The following RANBP1 variants were observed in gnomAD, a reference collection of about 807,000 sequenced individuals.
RANBP1 encodes the protein RAN binding protein 1, also known as ran-specific GTPase-activating protein.
In RANBP1, 16 loss-of-function variants were observed where a neutral mutation model predicts 31.4. The ratio of observed to expected loss-of-function variants is 0.51; its 90% confidence interval spans 0.34 to 0.77. The LOEUF is 0.77. RANBP1 is among the 30% of genes least tolerant of loss of function. The pLI is 0.01. For synonymous variants in RANBP1, 129 were observed against 140.5 expected (o/e 0.92, Z 0.58); for missense variants, 265 against 362.0 (o/e 0.73, Z 2.17).
rs903906122 is a variant in RANBP1 at position 20,126,488 on chromosome 22, C to T, written c.736+120C>T. ...ACATTCCAGGGTGCTGTGGCCGCCT[C>T]ACGTATCCAGAGTGATGCAGCTCCC... is the stretch of plus-strand genomic sequence containing the variant. On this transcript the variant is annotated intron_variant, in intron 5 of 5. Transcript: ENST00000430524. The T allele has an allele frequency of 2.5e-6, 4 of 1,597,794 alleles. No homozygotes were observed. The African/African-American group carries it at 4.0e-5, about 16-fold the overall frequency.
chr22:20,117,481 C>G (rs933099845), intron 1 of RANBP1: 23 of 1,225,154 alleles, frequency 1.9e-5, no homozygotes, highest in Non-Finnish European at 2.4e-5. Context: ...GGCGCGTTTC[C>G]CGCCGCTGGG....
At chr22:20,124,977 G>C in intron 3 of RANBP1, 1 of 333,658 alleles carries the variant, frequency 3.0e-6, no homozygotes, top group South Asian at 2.6e-5. Flanking sequence ...CTGCTTCTCT[G>C]CATTTCTGGA....
At chr22:20,123,431 TG>T (rs533083024) in intron 3 of RANBP1, among the ~76,000 whole-genome samples, 6 of 22,168 alleles carry the variant, frequency 2.7e-4, no homozygotes, top group Admixed American at 7.2e-4. Context: ...TGTGTGGTGT[TG>T]GGGGGGGTGT....
chr22:20,126,315 T>G lies in RANBP1; in HGVS notation c.683T>G (p.Phe228Cys). The G allele has an allele frequency of 6.2e-7, 1 of 1,613,320 alleles. No individual in the cohort carries two copies. Among genetic ancestry groups the G allele is most frequent in the Non-Finnish European group, 8.5e-7 (1 of 1,179,630 alleles). The change falls in exon 5 of 6, where the codon TTC (phenylalanine) becomes TGC (cysteine). Residue 228 changes from phenylalanine (F) to cysteine (C), a missense_variant. Coordinates refer to ENST00000430524, the MANE Select transcript of RANBP1 (RefSeq NM_001278639.2). Reference sequence around the variant, plus strand: ...CTCCCTTCCACAGATGCACAGAAATTCAAAACAAAGTTTGAAGAATGCAGG... The same window carrying G: ...CTCCCTTCCACAGATGCACAGAAATGCAAAACAAAGTTTGAAGAATGCAGG... ...RFLNAENAQK[F>C]KTKFEECRKE...
intron 5 of RANBP1, chr22:20,126,591 G>T: frequency 2.0e-6 from 3 of 1,538,354 alleles, no homozygotes; most frequent in Non-Finnish European, 2.6e-6. Context: ...GCAGGCATTG[G>T]AGTCCGGGCA....
intron 5 of RANBP1, 44 bp from the exon 6 acceptor site, chr22:20,126,908 T>G (rs1173128359): frequency 5.0e-6 from 8 of 1,595,176 alleles, no homozygotes; most frequent in Non-Finnish European, 6.9e-6. Context: ...TGTGCTTGAA[T>G]GCACCGTGCT....
intron 1 of RANBP1, chr22:20,116,820 C>T (rs975112933): frequency 4.1e-6 from 6 of 1,461,372 alleles, no homozygotes; most frequent in Admixed American, 1.9e-5. Context: ...GGCAGGTTTC[C>T]TGACCCACCC....
intron 2 of RANBP1, 35 bp downstream of exon 2, chr22:20,119,184 T>C (rs1378032480): frequency 6.3e-7 from 1 of 1,599,064 alleles, no homozygotes; most frequent in South Asian, 1.1e-5. Context: ...TAGGACTCTT[T>C]AAGGTTGAGG....
At chr22:20,121,805 C>G (rs554171231) in intron 2 of RANBP1, among the ~76,000 whole-genome samples, 1 of 151,072 alleles carries the variant, frequency 6.6e-6, no homozygotes, top group East Asian at 2.0e-4. Context: ...GTGGGGCAAT[C>G]TCCACTCACT....
rs1425758786 is a variant in RANBP1, at chr22:20,127,104, A to G, written c.*52A>G. 2 of 1,470,758 alleles carry G rather than the reference A, an allele frequency of 1.4e-6. No homozygotes were observed. Among genetic ancestry groups the G allele is most frequent in the Non-Finnish European group, 1.8e-6 (2 of 1,090,120 alleles). The allele number at this position is 1,470,758 out of a possible 1,614,324, so 91.1% of individuals were successfully genotyped here. A position where few individuals can be genotyped will look rare whatever the true frequency, so the allele number is the denominator to read the frequency against. On this transcript the variant is annotated 3_prime_UTR_variant, in exon 6 of 6. Transcript: ENST00000430524. ...CTCTTTCCTTTCCTTTTTTTAAAAA[A>G]TTTTACCCTGCCCCTCTTTTTCGGT...
At position 20,119,162 on chromosome 22, in the gene RANBP1, A is replaced by G. The variant is rs771383796; in HGVS notation, c.383+13A>G. The G allele has an allele frequency of 1.6e-5, 26 of 1,609,740 alleles. No homozygotes were observed. The highest frequency in any genetic ancestry group is 2.2e-5 in the Non-Finnish European group (26 of 1,176,470). On this transcript the variant is annotated intron_variant, in intron 2 of 5. Coordinates refer to ENST00000430524, the MANE Select transcript of RANBP1 (RefSeq NM_001278639.2). ...AACTTTTTAAAATGTAAGTAGGCTG[A>G]TGTCCCAGAAATAGGACTCTTTAAG...
At position 20,116,437 on chromosome 22, in the gene RANBP1, A is replaced by G. The variant is rs1186282781; in HGVS notation, c.246+7A>G. The G allele has an allele frequency of 6.2e-7, 1 of 1,612,656 alleles. No homozygotes were observed. The highest frequency in any genetic ancestry group is 1.1e-5 in the South Asian group (1 of 91,072). On this transcript the variant is annotated splice_region_variant and intron_variant, in intron 1 of 5. Transcript: ENST00000430524. The stretch of plus-strand genomic sequence containing the variant: ...CAGTTTAAAGATCTCAGAGGTAAAC[A>G]AGTCATCCCTGATGTAGCTGTAGAG...
intron 2 of RANBP1, chr22:20,119,531 T>C: frequency 4.7e-6 from 1 of 214,864 alleles, no homozygotes. Context: ...CGGTGTCTGT[T>C]GTTGTTGTTG....
At chr22:20,123,237 G>A (rs1188782367) in intron 3 of RANBP1, among the ~76,000 whole-genome samples, 1 of 132,620 alleles carries the variant, frequency 7.5e-6, no homozygotes. Context: ...TGGGGGGCGG[G>A]TGTGGTATCC....
chr22:20,116,701 G>C (rs1318807213), intron 1 of RANBP1: 9 of 1,462,364 alleles, frequency 6.2e-6, no homozygotes, highest in Non-Finnish European at 8.2e-6. Flanking sequence ...CCAGACCTCC[G>C]TCGGTGCACT....
In RANBP1 at chr22:20,117,135, A is replaced by G. The variant is rs965191720; in HGVS notation, c.246+705A>G. On this transcript the variant is annotated intron_variant, in intron 1 of 5. Coordinates refer to ENST00000430524, the MANE Select transcript of RANBP1 (RefSeq NM_001278639.2). ...GTCCGGGTCTCAGGCTTGGGGCTGT[A>G]CCGCCCGCCCGCCAGGGGCCCGCGC... 6.9e-6 allele frequency: 4 copies of G among 578,518 alleles called. No individual in the cohort carries two copies. In the East Asian group the frequency reaches 1.0e-4, roughly 15 times the overall value. The allele number at this position is 578,518 out of a possible 1,614,324, so 35.8% of individuals were successfully genotyped here.
intron 2 of RANBP1, among the ~76,000 whole-genome samples, chr22:20,120,395 C>T (rs545209992): frequency 4.6e-4 from 70 of 152,168 alleles, no homozygotes; most frequent in African/African-American, 1.6e-3. Flanking sequence ...CTGCCCATGT[C>T]GGGTGGGAGG....
At chr22:20,118,783 G>C (rs750217738) in intron 1 of RANBP1, among the ~76,000 whole-genome samples, 2 of 152,252 alleles carry the variant, frequency 1.3e-5, no homozygotes, top group Non-Finnish European at 2.9e-5. Context: ...GAATCTGGGG[G>C]AGGGGCCCCA....
In RANBP1 at chr22:20,119,108, A is replaced by C. The variant is rs1365008477; in HGVS notation, c.342A>C (p.Glu114Asp). Residue 114 changes from glutamate to aspartate, a missense_variant, in exon 2 of 6, where the codon GAA becomes GAC. This residue lies in a region of RANBP1 where 90 missense variants were observed against 190.5 expected (regional missense o/e 0.47). Transcript: ENST00000430524. Reference sequence around the variant, plus strand: ...CAATAGTTTCTCTTCCTGAGCAAGAAATTAAAACACTGGAAGAAGATGAAG... The same window carrying C: ...CAATAGTTTCTCTTCCTGAGCAAGACATTAAAACACTGGAAGAAGATGAAG... ...FEPIVSLPEQ[E>D]IKTLEEDEEE... 17 of 1,612,792 alleles carry C rather than the reference A, an allele frequency of 1.1e-5. No homozygotes were observed. Among genetic ancestry groups the C allele is most frequent in the Non-Finnish European group, 1.3e-5 (15 of 1,179,104 alleles).
Sources: allele counts gnomAD v4.1 joint callset (sites outside exome capture counted in the v4.1 genomes callset), GRCh38; gene constraint gnomAD v4.1.1; regional missense constraint gnomAD v4.1.1; transcripts MANE v1.5; gene names NCBI Gene and HGNC (gene_info 2026-07-23, HGNC 2026-07-21).